The following CDH23 variants were observed in gnomAD, a reference collection of about 807,000 sequenced individuals.
CDH23 encodes the protein cadherin-23.
CDH23 carries 189 observed loss-of-function variants against 317.1 expected under a neutral mutation model. The observed-to-expected ratio is 0.60, with a 90% confidence interval of 0.53 to 0.67. The LOEUF (loss-of-function observed/expected upper bound fraction) is 0.67, where lower values mean the gene tolerates loss of function less well. Among genes scored for constraint, CDH23 ranks in the 30% least tolerant of loss-of-function variants. The probability of loss-of-function intolerance (pLI) is 0.00; values close to 1 mark genes in which losing one functional copy is unlikely to be tolerated. For missense variants in CDH23, 4,401 were observed against 4,592.4 expected, an observed-to-expected ratio of 0.96 and a Z score of 1.20; for synonymous variants, 1,839 against 1,876.8, an observed-to-expected ratio of 0.98 and a Z score of 0.52.
rs528840143 is a variant in CDH23, at chr10:71,725,191, C to G, written c.3431-181C>G. Reference sequence around the variant, plus strand: ...AACGCATTGGGGATGGCCTGTCTGCCTTGCCCCACCTCACAGAGTCCTCCA... The same window carrying G: ...AACGCATTGGGGATGGCCTGTCTGCGTTGCCCCACCTCACAGAGTCCTCCA... On this transcript the variant is annotated intron_variant, in intron 29 of 69. Transcript: ENST00000224721. 2.0e-5 allele frequency among the ~76,000 whole-genome samples: 3 copies of G among 152,326 alleles called. No homozygotes were observed. In the East Asian group the frequency reaches 5.8e-4, roughly 29 times the overall value.
In CDH23 at chr10:71,510,068, C is replaced by G. The variant is rs1243917440; in HGVS notation, c.146-14C>G. ...CTCTTATTTTCCCTCTGCTCTCTCC[C>G]TTGGCTACTCCAGGTTCTTCTGTGA... On this transcript the variant is annotated splice_polypyrimidine_tract_variant and intron_variant, in intron 3 of 69. Transcript: ENST00000224721. The G allele has an allele frequency of 1.9e-6, 3 of 1,614,010 alleles. No homozygotes were observed. Among genetic ancestry groups the G allele is most frequent in the Non-Finnish European group, 2.5e-6 (3 of 1,179,868 alleles).
chr10:71,502,298 G>A (rs1437775711), intron 3 of CDH23, among the ~76,000 whole-genome samples: 2 of 152,336 alleles, frequency 1.3e-5, no homozygotes, highest in African/African-American at 4.8e-5. Context: ...TTGCTTTCTT[G>A]TGCCTTTTAG....
Position 71,809,867 on chromosome 10 carries a change from A to G in CDH23, c.8770A>G (p.Ser2924Gly). ...CACCTTCGACCTCTTCATGGCCTAC[A>G]GCCCCGGCTACTTCGTGGTGGACAT... ...LRTFDLFMAY[S>G]PGYFVVDIVA... The change falls in exon 61 of 70, where the codon AGC becomes GGC. Residue 2924 changes from serine to glycine, a missense_variant. By Grantham distance (56) the Ser-to-Gly change is moderately conservative. Transcript: ENST00000224721. 6.2e-7 allele frequency: 1 copy of G among 1,613,412 alleles called. No individual in the cohort carries two copies. Among genetic ancestry groups the G allele is most frequent in the Non-Finnish European group, 8.5e-7 (1 of 1,179,886 alleles).
At chr10:71,778,087 C>T in intron 39 of CDH23, 102 bp from the exon 40 acceptor site, 1 of 1,525,462 alleles carries the variant, frequency 6.6e-7, no homozygotes. Flanking sequence ...AGTGGTTCCC[C>T]ATCACAGCTC....
intron 9 of CDH23, among the ~76,000 whole-genome samples, chr10:71,602,412 CA>C (rs1391940566): frequency 6.6e-6 from 1 of 152,154 alleles, no homozygotes; most frequent in Non-Finnish European, 1.5e-5. Flanking sequence ...GGCTCAAAGG[CA>C]AAGTCACTTG....
intron 25 of CDH23, among the ~76,000 whole-genome samples, chr10:71,706,602 C>G (rs559757504): frequency 1.3e-5 from 2 of 152,346 alleles, no homozygotes; most frequent in Non-Finnish European, 2.9e-5. Context: ...TAGGTGCGTA[C>G]TGGAGAGAGG....
Position 71,570,728 on chromosome 10 carries a change from A to G in CDH23, c.625-62A>G, listed in dbSNP as rs187939627. 302 of 1,547,312 alleles carry G rather than the reference A, an allele frequency of 2.0e-4. 1 individual carries two copies. The Middle Eastern group carries it at 4.0e-3, about 21-fold the overall frequency. On this transcript the variant is annotated intron_variant, in intron 7 of 69. Transcript: ENST00000224721. The stretch of plus-strand genomic sequence containing the variant: ...TGCAGGTCTGTGTGTGTGTGTACAT[A>G]TGTGTGTGAGTGTCCCCACCATCAC...
In CDH23 at chr10:71,730,497, A is replaced by T. The variant is rs1037388402; in HGVS notation, c.3608A>T (p.Asp1203Val). 6.2e-7 allele frequency: 1 copy of T among 1,613,876 alleles called. No homozygotes were observed. Among genetic ancestry groups the T allele is most frequent in the Non-Finnish European group, 8.5e-7 (1 of 1,179,854 alleles). Residue 1203 changes from aspartate (D) to valine (V), a missense_variant, in exon 31 of 70, where the codon GAT becomes GTT. Transcript: ENST00000224721. ...RVIVYVEDIN[D>V]EAPVFTQQQY... ...ATTGTGTACGTGGAGGACATCAACGATGAGGCCCCCGTGTTCACACAGCAG... is the reference window on the plus strand; with the variant it reads ...ATTGTGTACGTGGAGGACATCAACGTTGAGGCCCCCGTGTTCACACAGCAG...
In CDH23 at chr10:71,425,310, G is replaced by C. The variant is rs529426989; in HGVS notation, c.-5-14517G>C. ...GGAAGGAACGAAGGAGGAGAAGGAA[G>C]GGAAGGAAAGGAAAGAAAGAACAAA... On this transcript the variant is annotated intron_variant, in intron 1 of 69. Transcript: ENST00000224721. Among the ~76,000 whole-genome samples the C allele has an allele frequency of 3.6e-5, 5 of 137,402 alleles. No individual in the cohort carries two copies. The East Asian group carries it at 8.8e-4, about 24-fold the overall frequency. 90.1% of individuals were successfully genotyped at this position (137,402 alleles called of 152,430 possible). A position where few individuals can be genotyped will look rare whatever the true frequency, so the allele number is the denominator to read the frequency against.
intron 3 of CDH23, among the ~76,000 whole-genome samples, chr10:71,458,717 A>C (rs1365536804): frequency 2.0e-5 from 3 of 152,220 alleles, no homozygotes; most frequent in Non-Finnish European, 4.4e-5. Flanking sequence ...TTACTAATAG[A>C]GCTGCAGTGA....
intron 1 of CDH23, among the ~76,000 whole-genome samples, chr10:71,402,756 C>CAT (rs1331508281): frequency 9.2e-5 from 14 of 151,758 alleles, no homozygotes; most frequent in South Asian, 4.2e-4. Flanking sequence ...CACGCGCGCG[C>CAT]GCGCACATGC....
Position 71,623,213 on chromosome 10 carries a change from C to A in CDH23, c.1134+5820C>A, listed in dbSNP as rs1388043127. On this transcript the variant is annotated intron_variant, in intron 11 of 69. Coordinates refer to ENST00000224721, the MANE Select transcript of CDH23 (RefSeq NM_022124.6). ...GGATAGGGTGATTCCTGACTGTGGT[C>A]CCAGAAAGCCTTCAGAAAGGTGCTG... 2.0e-5 allele frequency among the ~76,000 whole-genome samples: 3 copies of A among 152,130 alleles called. No homozygotes were observed. The East Asian group carries it at 5.8e-4, about 29-fold the overall frequency.
At chr10:71,510,296 C>A (rs993395049) in intron 4 of CDH23, 72 bp downstream of exon 4, 1 of 1,550,470 alleles carries the variant, frequency 6.4e-7, no homozygotes, top group Admixed American at 1.8e-5. Context: ...AAGGACGGCC[C>A]GCCATCTTTT....
chr10:71,812,626 C>CAGGCATCACAAGGGGCAGGGGTGG lies in CDH23; in HGVS notation c.9510+21_9510+44dup. On this transcript the variant is annotated intron_variant, in intron 67 of 69. Coordinates refer to ENST00000224721, the MANE Select transcript of CDH23 (RefSeq NM_022124.6). ...CGCACCCATGTGAGCCAGAGGCGGT[C>CAGGCATCACAAGGGGCAGGGGTGG]AGGCATCACAAGGGGCAGGGGTGGA... is the stretch of plus-strand genomic sequence containing the variant. 5.0e-6 allele frequency: 8 copies of CAGGCATCACAAGGGGCAGGGGTGG among 1,602,154 alleles called. No homozygotes were observed. The highest frequency in any genetic ancestry group is 5.9e-6 in the Non-Finnish European group (7 of 1,179,348).
intron 9 of CDH23, among the ~76,000 whole-genome samples, chr10:71,588,255 A>G (rs914169023): frequency 2.0e-5 from 3 of 152,190 alleles, no homozygotes; most frequent in Non-Finnish European, 4.4e-5. Context: ...AGTATTTATT[A>G]TGTGCCTGCC....
At chr10:71,701,304 G>A (rs942966113) in intron 22 of CDH23, among the ~76,000 whole-genome samples, 4 of 152,266 alleles carry the variant, frequency 2.6e-5, no homozygotes, top group Non-Finnish European at 2.9e-5. Flanking sequence ...AGGGGGCCTC[G>A]GCGAAGATGA....
chr10:71,812,063 A>C, intron 66 of CDH23, 48 bp downstream of exon 66: 1 of 1,613,814 alleles, frequency 6.2e-7, no homozygotes, highest in Non-Finnish European at 8.5e-7. Flanking sequence ...GAGTCCTGCC[A>C]GGACCCAGCT....
In CDH23 at chr10:71,585,448, C is replaced by G. The variant is rs550664426; in HGVS notation, c.832+7456C>G. Among the ~76,000 whole-genome samples, 6 of 152,336 alleles carry G rather than the reference C, an allele frequency of 3.9e-5. No individual in the cohort carries two copies. In the East Asian group the frequency reaches 1.2e-3, roughly 29 times the overall value. The stretch of plus-strand genomic sequence containing the variant: ...CTGGCAGCCACTAGCAGTTGAGAAG[C>G]ATTCTCTCTCAAGCTGGAACAAACC... On this transcript the variant is annotated intron_variant, in intron 9 of 69. Coordinates refer to ENST00000224721, the MANE Select transcript of CDH23 (RefSeq NM_022124.6).
chr10:71,464,233 C>T (rs1241075624), intron 3 of CDH23, among the ~76,000 whole-genome samples: 2 of 152,166 alleles, frequency 1.3e-5, no homozygotes, highest in Non-Finnish European at 2.9e-5. Context: ...TTATTGAGCA[C>T]CTATAAGGTG....
Sources: allele counts gnomAD v4.1 joint callset (sites outside exome capture counted in the v4.1 genomes callset), GRCh38; gene constraint gnomAD v4.1.1; transcripts MANE v1.5; gene names NCBI Gene and HGNC (gene_info 2026-07-23, HGNC 2026-07-21).